KRR1: variants seen among roughly 807,000 people sequenced by gnomAD.
KRR1 encodes KRR1 small subunit processome component.
A neutral mutation model predicts 50.0 loss-of-function variants in KRR1; 23 were observed. That is an observed-to-expected ratio of 0.46 (90% CI 0.33 to 0.65). The LOEUF (loss-of-function observed/expected upper bound fraction) is 0.65, where lower values mean the gene tolerates loss of function less well. Ranked by LOEUF, KRR1 falls within the 30% of genes least tolerant of loss-of-function variation. The pLI, the probability that KRR1 is intolerant of heterozygous loss-of-function variation, is 0.02. For missense variants in KRR1, 419 were observed against 442.4 expected, an observed-to-expected ratio of 0.95 and a Z score of 0.47; for synonymous variants, 133 against 146.3, an observed-to-expected ratio of 0.91 and a Z score of 0.66.
chr12:75,507,714 A>C (rs1476686020), intron 2 of KRR1, among the ~76,000 whole-genome samples: 1 of 152,170 alleles, frequency 6.6e-6, no homozygotes, highest in Non-Finnish European at 1.5e-5. Context: ...ACACACAAAC[A>C]AAGCCAATAT....
chr12:75,498,903 A>G lies in KRR1; in HGVS notation c.*906T>C, dbSNP rs756980486. The G allele has an allele frequency of 1.2e-6, 2 of 1,607,404 alleles. No homozygotes were observed. Among genetic ancestry groups the G allele is most frequent in the Non-Finnish European group, 1.7e-6 (2 of 1,174,178 alleles). On this transcript the variant is annotated 3_prime_UTR_variant, in exon 10 of 10. Coordinates refer to ENST00000229214, the MANE Select transcript of KRR1 (RefSeq NM_007043.7). ...CTTCTCTCTTTCTCATTGTTAATTCAGTAATTCTAATACTGTCTGTTATAA... is the reference window on the plus strand; with the variant it reads ...CTTCTCTCTTTCTCATTGTTAATTCGGTAATTCTAATACTGTCTGTTATAA...
At chr12:75,504,105 A>G (rs1419904618) in intron 6 of KRR1, 31 bp from the exon 7 acceptor site, 1 of 1,542,856 alleles carries the variant, frequency 6.5e-7, no homozygotes, top group Non-Finnish European at 8.8e-7. Flanking sequence ...AAAAATTTTT[A>G]CTTTCCAAAG....
chr12:75,508,369 A>G lies in KRR1; in HGVS notation c.163T>C (p.Leu55=), dbSNP rs1172775521. ...FSKEDNPRGL[L]EESSFATLFP... is the part of the protein sequence containing the mutation. ...AAAGTTGCGAAACTGCTCTCCTCCA[A>G]AAGTCCTCTGGGATTGTCCTCTTTG... The change falls in exon 2 of 10, where the codon TTG becomes CTG. Residue 55 remains leucine, a synonymous_variant. Transcript: ENST00000229214. The G allele has an allele frequency of 4.3e-6, 7 of 1,613,528 alleles. No individual in the cohort carries two copies. The highest frequency in any genetic ancestry group is 4.2e-6 in the Non-Finnish European group (5 of 1,179,698).
At chr12:75,508,730 T>C (rs915802303) in intron 1 of KRR1, among the ~76,000 whole-genome samples, 2 of 152,250 alleles carry the variant, frequency 1.3e-5, no homozygotes, top group South Asian at 2.1e-4. Context: ...TCACACTAGT[T>C]GGCATATGCC....
At position 75,499,890 on chromosome 12, in the gene KRR1, A is replaced by ATTCTT. The variant is rs756063565; in HGVS notation, c.1060_1064dup (p.Asn355LysfsTer36). The ATTCTT allele has an allele frequency of 6.2e-7, 1 of 1,609,640 alleles. No individual in the cohort carries two copies. Among genetic ancestry groups the ATTCTT allele is most frequent in the African/African-American group, 1.3e-5 (1 of 74,750 alleles). ...CAGCTGTAAGAGCTCCCAGTTTCTT[A>ATTCTT]TTCTTTGCTTTCTTAACCTTTTCCT... On this transcript the variant is annotated frameshift_variant, in exon 10 of 10. Coordinates refer to ENST00000229214, the MANE Select transcript of KRR1 (RefSeq NM_007043.7). LOFTEE classifies it high-confidence loss of function.
At chr12:75,500,018 G>T in intron 9 of KRR1, 67 bp from the exon 10 acceptor site, 1 of 1,251,738 alleles carries the variant, frequency 8.0e-7, no homozygotes, top group Non-Finnish European at 1.1e-6. Flanking sequence ...AAGAATATAT[G>T]TTTAACAAAG....
At position 75,506,627 on chromosome 12, in the gene KRR1, A is replaced by AAAAAAAAG; in HGVS notation, c.394-19_394-18insCTTTTTTT. ...CGTACTGCCTTTTGCAAAAAAAAAA[A>AAAAAAAAG]AAAAAAGAAGACATTATCAACATTT... On this transcript the variant is annotated intron_variant, in intron 3 of 9. Coordinates refer to ENST00000229214, the MANE Select transcript of KRR1 (RefSeq NM_007043.7). The AAAAAAAAG allele has an allele frequency of 6.4e-7, 1 of 1,553,718 alleles. No homozygotes were observed. The highest frequency in any genetic ancestry group is 1.2e-5 in the South Asian group (1 of 82,186).
At position 75,508,388 on chromosome 12, in the gene KRR1, C is replaced by T; in HGVS notation, c.144G>A (p.Glu48=). 7.4e-6 allele frequency: 12 copies of T among 1,613,056 alleles called. No individual in the cohort carries two copies. The highest frequency in any genetic ancestry group is 9.3e-6 in the Non-Finnish European group (11 of 1,179,540). Residue 48 remains glutamate (E), a synonymous_variant, in exon 2 of 10, where the codon GAG becomes GAA. Transcript: ENST00000229214. The part of the protein sequence containing the change: ...DGWKEPAFSK[E]DNPRGLLEES... ...CCTCCAAAAGTCCTCTGGGATTGTC[C>T]TCTTTGGAAAAAGCTGGTTCCTTCC...
At position 75,503,590 on chromosome 12, in the gene KRR1, T is replaced by C. The variant is rs1172931599; in HGVS notation, c.831+314A>G. 3 of 188,630 alleles carry C rather than the reference T, an allele frequency of 1.6e-5. No individual in the cohort carries two copies. The East Asian group carries it at 3.8e-4, about 24-fold the overall frequency. 11.7% of individuals were successfully genotyped at this position (188,630 alleles called of 1,614,324 possible). A position where few individuals can be genotyped will look rare whatever the true frequency, so the allele number is the denominator to read the frequency against. Reference sequence around the variant, plus strand: ...ACAACCATAGAGCACACAGTCACAATAATGTTGCCAAATCAGAGAAAAGAG... The same window carrying C: ...ACAACCATAGAGCACACAGTCACAACAATGTTGCCAAATCAGAGAAAAGAG... On this transcript the variant is annotated intron_variant, in intron 7 of 9. Coordinates refer to ENST00000229214, the MANE Select transcript of KRR1 (RefSeq NM_007043.7).
chr12:75,499,980 A>G (rs2046380309), intron 9 of KRR1, 29 bp from the exon 10 acceptor site: 31 of 1,547,388 alleles, frequency 2.0e-5, no homozygotes, highest in Non-Finnish European at 2.5e-5. Flanking sequence ...CAACACATGT[A>G]ATACTTTAGA....
At chr12:75,503,336 C>T (rs2279246) in intron 7 of KRR1, 7,448 of 152,036 alleles carry the variant, frequency 0.049, 250 homozygotes, top group East Asian at 0.17. Context: ...TTGGTAGCCA[C>T]GTTGCAAGGA....
rs2046347024 is a variant in KRR1 at position 75,495,797 on chromosome 12, A to G, written c.*4012T>C. ...CTGGCATCAAGTAGCAATTAAACCA[A>G]TGGCTTACTGTTCTAGGAATACATT... On this transcript the variant is annotated 3_prime_UTR_variant, in exon 10 of 10. Coordinates refer to ENST00000229214, the MANE Select transcript of KRR1 (RefSeq NM_007043.7). The G allele has an allele frequency of 1.8e-6, 1 of 569,126 alleles. No individual in the cohort carries two copies. Among genetic ancestry groups the G allele is most frequent in the South Asian group, 2.5e-5 (1 of 40,038 alleles). The allele number at this position is 569,126 out of a possible 1,614,324, so 35.3% of individuals were successfully genotyped here.
intron 1 of KRR1, among the ~76,000 whole-genome samples, chr12:75,508,689 T>C (rs1269072643): frequency 6.6e-6 from 1 of 152,232 alleles, no homozygotes; most frequent in African/African-American, 2.4e-5. Flanking sequence ...TTGCCTCATA[T>C]GACAAAGTTC....
intron 1 of KRR1, 104 bp downstream of exon 1, chr12:75,511,409 A>C (rs1445269762): frequency 1.0e-6 from 1 of 1,004,460 alleles, no homozygotes; most frequent in African/African-American, 1.6e-5. Context: ...TCAACTACAC[A>C]GTACAGGCTC....
chr12:75,500,038 T>C lies in KRR1; in HGVS notation c.1004-87A>G. 12 of 1,014,458 alleles carry C rather than the reference T, an allele frequency of 1.2e-5. No individual in the cohort carries two copies. In the South Asian group the frequency reaches 1.9e-4, roughly 16 times the overall value. The allele number at this position is 1,014,458 out of a possible 1,614,324, so 62.8% of individuals were successfully genotyped here. On this transcript the variant is annotated intron_variant, in intron 9 of 9. Coordinates refer to ENST00000229214, the MANE Select transcript of KRR1 (RefSeq NM_007043.7). ...TATATGTTTAACAAAGAATATATGTTTAAGGCAGTTAACTTCAGAGTATTC... is the reference window on the plus strand; with the variant it reads ...TATATGTTTAACAAAGAATATATGTCTAAGGCAGTTAACTTCAGAGTATTC...
In KRR1 at chr12:75,492,595, T is replaced by C. The variant is rs2046329592; in HGVS notation, c.*7214A>G. On this transcript the variant is annotated 3_prime_UTR_variant, in exon 10 of 10. Coordinates refer to ENST00000229214, the MANE Select transcript of KRR1 (RefSeq NM_007043.7). ...GTTTTGTAAGTATTCATGATTTTTA[T>C]TCATTAAAGTATAAATGTAAATTTT... 6.6e-6 allele frequency: 1 copy of C among 152,240 alleles called. No individual in the cohort carries two copies. Among genetic ancestry groups the C allele is most frequent in the Non-Finnish European group, 1.5e-5 (1 of 68,048 alleles). 9.4% of individuals were successfully genotyped at this position (152,240 alleles called of 1,614,324 possible).
rs770220922 is a variant in KRR1, at chr12:75,493,931, A to T, written c.*5878T>A. ...TACAGTTTGGAATGCACAACTAAGT[A>T]TCATAAATGACTTTATTAAAATCAT... On this transcript the variant is annotated 3_prime_UTR_variant, in exon 10 of 10. Coordinates refer to ENST00000229214, the MANE Select transcript of KRR1 (RefSeq NM_007043.7). The T allele has an allele frequency of 6.6e-6, 1 of 152,242 alleles. No homozygotes were observed. The highest frequency in any genetic ancestry group is 1.5e-5 in the Non-Finnish European group (1 of 68,048). 9.4% of individuals were successfully genotyped at this position (152,242 alleles called of 1,614,324 possible). A position where few individuals can be genotyped will look rare whatever the true frequency, so the allele number is the denominator to read the frequency against.
intron 3 of KRR1, 37 bp downstream of exon 3, chr12:75,506,745 T>C (rs1257137104): frequency 6.3e-7 from 1 of 1,597,774 alleles, no homozygotes; most frequent in Non-Finnish European, 8.5e-7. Context: ...TTAACACTGA[T>C]GCAAACAAAG....
At position 75,506,373 on chromosome 12, in the gene KRR1, G is replaced by A. The variant is rs775731131; in HGVS notation, c.546C>T (p.Tyr182=). The A allele has an allele frequency of 1.9e-6, 3 of 1,612,070 alleles. No homozygotes were observed. Among genetic ancestry groups the A allele is most frequent in the South Asian group, 2.2e-5 (2 of 90,918 alleles). Residue 182 remains tyrosine (Y), a synonymous_variant, in exon 5 of 10, where the codon TAC becomes TAT. Coordinates refer to ENST00000229214, the MANE Select transcript of KRR1 (RefSeq NM_007043.7). ...LKALELLTNC[Y]IMVQGNTVSA... The stretch of plus-strand genomic sequence containing the variant: ...AAACTGTGTTTCCCTGAACCATAAT[G>A]TAACAATTAGTTAAGAGTTCCAATG...
Sources: allele counts gnomAD v4.1 joint callset (sites outside exome capture counted in the v4.1 genomes callset), GRCh38; gene constraint gnomAD v4.1.1; transcripts MANE v1.5; gene names NCBI Gene and HGNC (gene_info 2026-07-23, HGNC 2026-07-21).